PIN1: variants seen among roughly 807,000 people sequenced by gnomAD.
PIN1 encodes the protein peptidyl-prolyl cis-trans isomerase NIMA-interacting 1.
PIN1 carries 8 observed loss-of-function variants against 19.9 expected under a neutral mutation model. The observed-to-expected ratio is 0.40, with a 90% CI of 0.24 to 0.72. The LOEUF (loss-of-function observed/expected upper bound fraction) is 0.72, where lower values mean the gene tolerates loss of function less well. Among genes scored for constraint, PIN1 ranks in the 30% least tolerant of loss-of-function variants. PIN1 has a pLI of 0.37. For missense variants in PIN1, 185 were observed against 226.5 expected, an observed-to-expected ratio of 0.82 and a Z score of 1.18; for synonymous variants, 86 against 90.8, an observed-to-expected ratio of 0.95 and a Z score of 0.30.
chr19:9,837,084 C>G (rs2046114982), intron 1 of PIN1: 1 of 351,806 alleles, frequency 2.8e-6, no homozygotes, highest in Non-Finnish European at 5.7e-6. Flanking sequence ...CCACCTCAGC[C>G]TTTCAAGTAG....
At chr19:9,843,182 A>T (rs1485161306) in intron 2 of PIN1, among the ~76,000 whole-genome samples, 1 of 152,220 alleles carries the variant, frequency 6.6e-6, no homozygotes, top group African/African-American at 2.4e-5. Flanking sequence ...CAAGGCTGAG[A>T]CTATGAGCAG....
chr19:9,836,801 C>A, intron 1 of PIN1: 1 of 1,284,124 alleles, frequency 7.8e-7, no homozygotes, highest in South Asian at 1.2e-5. Context: ...TTCCTGCCTT[C>A]CCCTGTGTGT....
chr19:9,841,658 A>AT (rs2046167395), intron 2 of PIN1, among the ~76,000 whole-genome samples: 1 of 152,200 alleles, frequency 6.6e-6, no homozygotes, highest in Non-Finnish European at 1.5e-5. Context: ...GTGAAGCTAG[A>AT]ATGTCAAGGG....
At chr19:9,842,022 T>C (rs900452612) in intron 2 of PIN1, among the ~76,000 whole-genome samples, 8 of 151,890 alleles carry the variant, frequency 5.3e-5, no homozygotes, top group African/African-American at 1.7e-4. Flanking sequence ...CATCTCTGGG[T>C]TGGACAGGTG....
chr19:9,836,952 C>A, intron 1 of PIN1: 2 of 792,622 alleles, frequency 2.5e-6, no homozygotes, highest in Non-Finnish European at 3.7e-6. Flanking sequence ...CAGTTTCTGT[C>A]CTAGGCATTT....
chr19:9,838,768 C>A lies in PIN1; in HGVS notation c.271+120C>A. Reference sequence around the variant, plus strand: ...CTGCCAGGCGTGGTGTTGGCCAACACAAAAACGCCAGTGCATGACCTGACC... The same window carrying A: ...CTGCCAGGCGTGGTGTTGGCCAACAAAAAAACGCCAGTGCATGACCTGACC... On this transcript the variant is annotated intron_variant, in intron 2 of 3. Transcript: ENST00000247970. The surrounding 1 kb of genome is among the most constrained non-coding windows in gnomAD (Gnocchi z 5.8). 6 of 731,854 alleles carry A rather than the reference C, an allele frequency of 8.2e-6. No homozygotes were observed. Among genetic ancestry groups the A allele is most frequent in the East Asian group, 2.7e-5 (1 of 36,500 alleles). 45.3% of individuals were successfully genotyped at this position (731,854 alleles called of 1,614,324 possible).
At chr19:9,839,037 C>A (rs1467101705) in intron 2 of PIN1, among the ~76,000 whole-genome samples, 1 of 152,172 alleles carries the variant, frequency 6.6e-6, no homozygotes, top group Non-Finnish European at 1.5e-5. Flanking sequence ...ATGGATTTTG[C>A]ACAGTAGGCC....
In PIN1 at chr19:9,838,084, G is replaced by A; in HGVS notation, c.59-352G>A. On this transcript the variant is annotated intron_variant, in intron 1 of 3. Coordinates refer to ENST00000247970, the MANE Select transcript of PIN1 (RefSeq NM_006221.4). This position sits in a 1 kb window ranked among gnomAD's most constrained non-coding sequence, Gnocchi z 5.8. ...TTCAGATTTGAATCCAGGTGGCCTG[G>A]CTGCTGAGTGCATGGTTTGAGTCAC... The A allele has an allele frequency of 2.7e-6, 1 of 368,300 alleles. No homozygotes were observed. The highest frequency in any genetic ancestry group is 5.2e-6 in the Non-Finnish European group (1 of 194,134). 22.8% of individuals were successfully genotyped at this position (368,300 alleles called of 1,614,324 possible). A position where few individuals can be genotyped will look rare whatever the true frequency, so the allele number is the denominator to read the frequency against.
Position 9,838,077 on chromosome 19 carries a change from T to G in PIN1, c.59-359T>G, listed in dbSNP as rs1266669357. ...ACCCAGATTCAGATTTGAATCCAGG[T>G]GGCCTGGCTGCTGAGTGCATGGTTT... is the stretch of plus-strand genomic sequence containing the variant. On this transcript the variant is annotated intron_variant, in intron 1 of 3. Coordinates refer to ENST00000247970, the MANE Select transcript of PIN1 (RefSeq NM_006221.4). The surrounding 1 kb of genome is among the most constrained non-coding windows in gnomAD (Gnocchi z 5.8). 1 of 360,900 alleles carries G rather than the reference T, an allele frequency of 2.8e-6. No individual in the cohort carries two copies. The highest frequency in any genetic ancestry group is 5.3e-6 in the Non-Finnish European group (1 of 189,602). 22.4% of individuals were successfully genotyped at this position (360,900 alleles called of 1,614,324 possible).
chr19:9,848,375 ATGG>A (rs1447663201), intron 3 of PIN1: 17 of 545,170 alleles, frequency 3.1e-5, no homozygotes, highest in Non-Finnish European at 5.6e-5. Context: ...CCTGGGGGGC[ATGG>A]TCTCTTGTGT....
rs2046239670 is a variant in PIN1, at chr19:9,848,108, A to C, written c.350A>C (p.Lys117Thr). 6.2e-7 allele frequency: 1 copy of C among 1,612,790 alleles called. No individual in the cohort carries two copies. Among genetic ancestry groups the C allele is most frequent in the Non-Finnish European group, 8.5e-7 (1 of 1,178,848 alleles). ...ASQFSDCSSA[K>T]ARGDLGAFSR... is the part of the protein sequence containing the mutation. ...CAGTTCAGCGACTGCAGCTCAGCCA[A>C]GGCCAGGGGAGACCTGGGTGCCTTC... The change falls in exon 3 of 4, where the codon AAG becomes ACG. Residue 117 changes from lysine to threonine, a missense_variant. Physicochemically the swap from Lys to Thr is moderately conservative, Grantham distance 78. Transcript: ENST00000247970.
At chr19:9,843,673 C>T (rs1296013815) in intron 2 of PIN1, among the ~76,000 whole-genome samples, 1 of 152,220 alleles carries the variant, frequency 6.6e-6, no homozygotes, top group African/African-American at 2.4e-5. Flanking sequence ...CGGCTGCCCT[C>T]TCACTGTGCA....
chr19:9,849,166 T>A lies in PIN1; in HGVS notation c.459T>A (p.Asp153Glu), dbSNP rs373075656. The change falls in exon 4 of 4, where the codon GAT (aspartate) becomes GAA (glutamate). Residue 153 changes from aspartate (D) to glutamate (E), a missense_variant. By Grantham distance (45) the Asp-to-Glu change is conservative (BLOSUM62 2). Coordinates refer to ENST00000247970, the MANE Select transcript of PIN1 (RefSeq NM_006221.4). ...AGATGAGCGGGCCCGTGTTCACGGA[T>A]TCCGGCATCCACATCATCCTCCGCA... ...TGEMSGPVFT[D>E]SGIHIILRTE The A allele has an allele frequency of 1.2e-5, 19 of 1,613,156 alleles. No homozygotes were observed. The South Asian group carries it at 2.1e-4, about 18-fold the overall frequency.
intron 2 of PIN1, 48 bp from the exon 3 acceptor site, chr19:9,847,982 C>G (rs368178295): frequency 2.1e-5 from 26 of 1,214,902 alleles, no homozygotes; most frequent in Admixed American, 6.7e-5. Flanking sequence ...CTGGTCAGGC[C>G]CCCCCCAACC....
At chr19:9,848,566 G>C (rs1259593002) in intron 3 of PIN1, 3 of 269,710 alleles carry the variant, frequency 1.1e-5, no homozygotes, top group East Asian at 9.4e-5. Context: ...GTTTAGGCCT[G>C]TCTGGCCAGG....
intron 2 of PIN1, among the ~76,000 whole-genome samples, chr19:9,843,379 C>T (rs1302154495): frequency 6.6e-6 from 1 of 152,274 alleles, no homozygotes; most frequent in African/African-American, 2.4e-5. Flanking sequence ...CCTCTGGTGC[C>T]TGGGCAGCCT....
intron 2 of PIN1, among the ~76,000 whole-genome samples, chr19:9,841,918 C>T (rs2046170670): frequency 6.6e-6 from 1 of 152,148 alleles, no homozygotes; most frequent in African/African-American, 2.4e-5. Flanking sequence ...AGAGCTGCTC[C>T]AAGCAATCCT....
rs1457721790 is a variant in PIN1, at chr19:9,847,933, G to C, written c.272-97G>C. ...GGGGAGGCTTTCCAACTGAAGTGCT[G>C]CCTCCCCCGCTGGCCAGCTCTGGAG... On this transcript the variant is annotated intron_variant, in intron 2 of 3. Transcript: ENST00000247970. 3.8e-6 allele frequency: 3 copies of C among 783,112 alleles called. No individual in the cohort carries two copies. In the Admixed American group the frequency reaches 5.4e-5, roughly 14 times the overall value. 48.5% of individuals were successfully genotyped at this position (783,112 alleles called of 1,614,324 possible). A position where few individuals can be genotyped will look rare whatever the true frequency, so the allele number is the denominator to read the frequency against.
intron 2 of PIN1, among the ~76,000 whole-genome samples, chr19:9,842,069 A>G (rs2046172687): frequency 6.6e-6 from 1 of 152,178 alleles, no homozygotes; most frequent in Non-Finnish European, 1.5e-5. Flanking sequence ...GCGTCACCGT[A>G]GGTACCTGCA....
Sources: allele counts gnomAD v4.1 joint callset (sites outside exome capture counted in the v4.1 genomes callset), GRCh38; gene constraint gnomAD v4.1.1; non-coding constraint Gnocchi (gnomAD v3.1); transcripts MANE v1.5; gene names NCBI Gene and HGNC (gene_info 2026-07-23, HGNC 2026-07-21).